PUM2: variants seen among roughly 807,000 people sequenced by gnomAD.
The protein encoded by PUM2 is pumilio homolog 2.
Under a neutral mutation model 124.5 loss-of-function variants are expected in PUM2, and 57 were observed. That is an observed-to-expected ratio of 0.46 (90% CI 0.37 to 0.57). PUM2 has a LOEUF of 0.57. Ranked by LOEUF, PUM2 falls within the 20% of genes least tolerant of loss-of-function variation. The pLI is 0.00. For missense variants in PUM2, 1,065 were observed against 1,290.6 expected, an observed-to-expected ratio of 0.83 and a Z score of 2.68; for synonymous variants, 460 against 446.1, an observed-to-expected ratio of 1.03 and a Z score of -0.39.
chr2:20,305,463 GAAAAAAAAA>G (rs67834545), intron 7 of PUM2, among the ~76,000 whole-genome samples: 15 of 46,154 alleles, frequency 3.2e-4, no homozygotes, highest in South Asian at 3.0e-3. Context: ...CCCTGTCTTC[GAAAAAAAAA>G]AAAAAAAAAA....
In PUM2 at chr2:20,294,456, A is replaced by G. The variant is rs752593426; in HGVS notation, c.1072T>C (p.Phe358Leu). 8.1e-6 allele frequency: 13 copies of G among 1,614,074 alleles called. No homozygotes were observed. Among genetic ancestry groups the G allele is most frequent in the East Asian group, 2.2e-5 (1 of 44,894 alleles). ...GCCGCAGCTGCAGCTTGCTGCTGAAATAAGTTGGCTGGATACACCCCCCAT... is the reference window on the plus strand; with the variant it reads ...GCCGCAGCTGCAGCTTGCTGCTGAAGTAAGTTGGCTGGATACACCCCCCAT... ...VPWGVYPANL[F>L]QQQAAAAANN... The change falls in exon 9 of 21, where the codon TTT becomes CTT. Residue 358 changes from phenylalanine (F) to leucine (L), a missense_variant. Physicochemically the swap from Phe to Leu is conservative, Grantham distance 22. Coordinates refer to ENST00000361078, the MANE Select transcript of PUM2 (RefSeq NM_015317.5).
intron 13 of PUM2, among the ~76,000 whole-genome samples, chr2:20,268,770 AC>A (rs1173358936): frequency 6.6e-6 from 1 of 152,128 alleles, no homozygotes; most frequent in Non-Finnish European, 1.5e-5. Flanking sequence ...TATATAAATG[AC>A]TCAAATGTGT....
At chr2:20,352,152 TATAA>T (rs1366987255), upstream of PUM2, 1 of 152,262 alleles carries the variant, frequency 6.6e-6, no homozygotes, top group African/African-American at 2.4e-5. Flanking sequence ...CGACTCCAAA[TATAA>T]ATAACTTACC....
intron 7 of PUM2, among the ~76,000 whole-genome samples, chr2:20,300,793 A>G (rs1466118835): frequency 6.6e-6 from 1 of 151,882 alleles, no homozygotes; most frequent in Admixed American, 6.6e-5. Flanking sequence ...AAGAGAAAAA[A>G]AAAAAAAAAA....
intron 6 of PUM2, 92 bp from the exon 7 acceptor site, chr2:20,308,163 T>C: frequency 9.3e-6 from 14 of 1,498,648 alleles, no homozygotes; most frequent in Non-Finnish European, 1.2e-5. Flanking sequence ...CATTTTTTCT[T>C]TGGGAGGACT....
intron 7 of PUM2, among the ~76,000 whole-genome samples, chr2:20,306,098 G>A (rs527886823): frequency 4.6e-5 from 7 of 152,018 alleles, no homozygotes; most frequent in East Asian, 1.9e-4. Context: ...CCAGCTACTC[G>A]GGAGGCTGCG....
chr2:20,290,962 C>T (rs546194835), intron 9 of PUM2, among the ~76,000 whole-genome samples, 172 bp from the exon 10 acceptor site: 2 of 152,216 alleles, frequency 1.3e-5, no homozygotes, highest in African/African-American at 4.8e-5. Flanking sequence ...ACATCAAAAA[C>T]ACAATCACTA....
In PUM2 at chr2:20,297,890, GTGAGAA is replaced by G. The variant is rs528195259; in HGVS notation, c.884-218_884-213del. The stretch of plus-strand genomic sequence containing the variant: ...GAAACAGCTGTTTTGCAGAATTGCT[GTGAGAA>G]TTAAATGTAATACCGATTATGACAT... On this transcript the variant is annotated intron_variant, in intron 7 of 20. Coordinates refer to ENST00000361078, the MANE Select transcript of PUM2 (RefSeq NM_015317.5). 1.4e-4 allele frequency among the ~76,000 whole-genome samples: 21 copies of G among 152,302 alleles called. No individual in the cohort carries two copies. The South Asian group carries it at 4.4e-3, about 32-fold the overall frequency.
intron 1 of PUM2, among the ~76,000 whole-genome samples, chr2:20,341,127 A>G (rs1687141965): frequency 6.6e-6 from 1 of 152,134 alleles, no homozygotes; most frequent in South Asian, 2.1e-4. Context: ...AGACCAGCGT[A>G]GGCAACATAG....
At chr2:20,342,823 T>C (rs1405956894) in intron 1 of PUM2, among the ~76,000 whole-genome samples, 2 of 152,184 alleles carry the variant, frequency 1.3e-5, no homozygotes, top group African/African-American at 4.8e-5. Context: ...TAAAGTGAGA[T>C]GAAATGACCA....
At chr2:20,317,453 A>G (rs1681237300) in intron 3 of PUM2, among the ~76,000 whole-genome samples, 1 of 152,238 alleles carries the variant, frequency 6.6e-6, no homozygotes, top group Non-Finnish European at 1.5e-5. Flanking sequence ...CTGCAATTAG[A>G]TAAATCAGTC....
At chr2:20,289,183 G>A (rs1397489753) in intron 10 of PUM2, among the ~76,000 whole-genome samples, 1 of 151,960 alleles carries the variant, frequency 6.6e-6, no homozygotes, top group Non-Finnish European at 1.5e-5. Context: ...TAAGAAATGA[G>A]TAATAGGGCC....
intron 13 of PUM2, among the ~76,000 whole-genome samples, chr2:20,263,843 A>G (rs770466788): frequency 1.3e-5 from 2 of 152,194 alleles, no homozygotes; most frequent in Non-Finnish European, 2.9e-5. Flanking sequence ...ACTGAAATAG[A>G]CTGAAATTCA....
Position 20,350,787 on chromosome 2 carries a change from G to A in PUM2, c.-209C>T. The A allele has an allele frequency of 1.0e-6, 1 of 962,920 alleles. No individual in the cohort carries two copies. Among genetic ancestry groups the A allele is most frequent in the Non-Finnish European group, 1.2e-6 (1 of 823,894 alleles). 59.6% of individuals were successfully genotyped at this position (962,920 alleles called of 1,614,324 possible). A position where few individuals can be genotyped will look rare whatever the true frequency, so the allele number is the denominator to read the frequency against. On this transcript the variant is annotated 5_prime_UTR_variant, in exon 1 of 21. Transcript: ENST00000361078. Reference sequence around the variant, plus strand: ...TCCTCCTCCGAACCACCGAAGTACCGAGGGTGAGACACAGAGACTCACAAC... The same window carrying A: ...TCCTCCTCCGAACCACCGAAGTACCAAGGGTGAGACACAGAGACTCACAAC...
Position 20,327,374 on chromosome 2 carries a change from C to G in PUM2, c.-14G>C. ...ATCATGATTCATTTCATCCACAGAT[C>G]AAACCTGTTGAATAACAAAAACAAA... On this transcript the variant is annotated 5_prime_UTR_variant, in exon 2 of 21. Coordinates refer to ENST00000361078, the MANE Select transcript of PUM2 (RefSeq NM_015317.5). The G allele has an allele frequency of 1.9e-6, 3 of 1,565,916 alleles. No homozygotes were observed. The highest frequency in any genetic ancestry group is 2.6e-6 in the Non-Finnish European group (3 of 1,143,148).
intron 9 of PUM2, among the ~76,000 whole-genome samples, chr2:20,293,075 G>A (rs1674610755): frequency 6.6e-6 from 1 of 152,156 alleles, no homozygotes; most frequent in Non-Finnish European, 1.5e-5. Context: ...AAGAGTAAAA[G>A]CTGCTTTTAA....
At chr2:20,338,393 G>C (rs1255306906) in intron 1 of PUM2, among the ~76,000 whole-genome samples, 1 of 152,080 alleles carries the variant, frequency 6.6e-6, no homozygotes, top group Admixed American at 6.6e-5. Context: ...CAAGACTCTT[G>C]TCTCAAAAAA....
chr2:20,294,231 T>C, intron 9 of PUM2, 145 bp downstream of exon 9: 1 of 791,546 alleles, frequency 1.3e-6, no homozygotes, highest in Non-Finnish European at 1.9e-6. Context: ...TAAAATCCCA[T>C]GCATAAATAC....
intron 2 of PUM2, among the ~76,000 whole-genome samples, chr2:20,320,086 T>C (rs890470079): frequency 4.6e-5 from 7 of 152,058 alleles, no homozygotes; most frequent in Admixed American, 3.9e-4. Flanking sequence ...GCCAAGACGG[T>C]GAAACCTTGT....
Sources: allele counts gnomAD v4.1 joint callset (sites outside exome capture counted in the v4.1 genomes callset), GRCh38; gene constraint gnomAD v4.1.1; transcripts MANE v1.5; gene names NCBI Gene and HGNC (gene_info 2026-07-23, HGNC 2026-07-21).